Variants in ATP7B observed in about 807,000 individuals in gnomAD.
ATP7B encodes copper-transporting ATPase 2.
Under a neutral mutation model 118.9 loss-of-function variants are expected in ATP7B, and 113 were observed. That is an observed-to-expected ratio of 0.95 (90% CI 0.82 to 1.11). The LOEUF (loss-of-function observed/expected upper bound fraction) is 1.11, where lower values mean the gene tolerates loss of function less well. Ranked by LOEUF, ATP7B falls within the 50% of genes most tolerant of loss-of-function variation. The probability of loss-of-function intolerance (pLI) is 0.00; values close to 1 mark genes in which losing one functional copy is unlikely to be tolerated. For synonymous variants in ATP7B, 777 were observed against 727.4 expected (o/e 1.07, Z -1.10); for missense variants, 1,867 against 1,871.4 (o/e 1.00, Z 0.04).
rs1464252261 is a variant in ATP7B, at chr13:51,944,210, C to A, written c.3142G>T (p.Val1048Leu). 1 of 1,614,188 alleles carries A rather than the reference C, an allele frequency of 6.2e-7. No homozygotes were observed. Among genetic ancestry groups the A allele is most frequent in the Admixed American group, 1.7e-5 (1 of 60,028 alleles). ...ACCTTCCTGAGGGGCAGTGTGGCCACATCCCCCAGCAGGAGCACCCGCATG... is the reference window on the plus strand; with the variant it reads ...ACCTTCCTGAGGGGCAGTGTGGCCAAATCCCCCAGCAGGAGCACCCGCATG... ...RVMRVLLLGD[V>L]ATLPLRKVLA... Residue 1048 changes from valine to leucine, a missense_variant, in exon 14 of 21, where the codon GTG (valine) becomes TTG (leucine). Physicochemically the swap from Val to Leu is conservative, Grantham distance 32 (BLOSUM62 1). Transcript: ENST00000242839.
chr13:51,950,549 A>G (rs1339550372), intron 9 of ATP7B, 150 bp from the exon 10 acceptor site: 1 of 1,264,474 alleles, frequency 7.9e-7, no homozygotes, highest in East Asian at 2.5e-5. Context: ...TTTATCGTGC[A>G]GCTGCTGAAT....
intron 1 of ATP7B, among the ~76,000 whole-genome samples, chr13:51,993,308 C>G (rs1384152095): frequency 6.6e-6 from 1 of 152,094 alleles, no homozygotes. Flanking sequence ...TGGCTCACAT[C>G]TATAATCCCA....
intron 2 of ATP7B, among the ~76,000 whole-genome samples, chr13:51,971,363 C>T (rs1951833868): frequency 6.6e-6 from 1 of 152,092 alleles, no homozygotes; most frequent in Non-Finnish European, 1.5e-5. Context: ...AAGTAGATGT[C>T]CTATATTTTT....
At chr13:51,941,532 C>T (rs1263259009) in intron 15 of ATP7B, among the ~76,000 whole-genome samples, 1 of 152,160 alleles carries the variant, frequency 6.6e-6, no homozygotes, top group Non-Finnish European at 1.5e-5. Context: ...TCTTTTTCTG[C>T]AGGGATTAGA....
intron 7 of ATP7B, chr13:51,959,759 G>C (rs772504229): frequency 7.3e-6 from 2 of 275,442 alleles, no homozygotes; most frequent in Non-Finnish European, 1.4e-5. Flanking sequence ...GAACACTCAA[G>C]AGTGGCATGG....
At chr13:51,993,122 T>A (rs553747773) in intron 1 of ATP7B, among the ~76,000 whole-genome samples, 11 of 152,174 alleles carry the variant, frequency 7.2e-5, no homozygotes, top group Middle Eastern at 3.4e-3. Context: ...AAAATATACA[T>A]TATGTAAACA....
chr13:51,969,331 A>C (rs906971906), intron 3 of ATP7B, among the ~76,000 whole-genome samples: 1 of 152,004 alleles, frequency 6.6e-6, no homozygotes, highest in East Asian at 1.9e-4. Flanking sequence ...GGTGATGCTC[A>C]TGCTGCCTGC....
chr13:51,959,757 A>T, intron 7 of ATP7B: 2 of 276,464 alleles, frequency 7.2e-6, no homozygotes. Context: ...TAGAACACTC[A>T]AGAGTGGCAT....
chr13:51,949,293 AATG>A (rs1957848271), intron 12 of ATP7B, among the ~76,000 whole-genome samples: 2 of 152,210 alleles, frequency 1.3e-5, no homozygotes, highest in African/African-American at 4.8e-5. Context: ...TTTTTCTTAA[AATG>A]TATTAAATAA....
In ATP7B at chr13:51,974,290, A is replaced by T. The variant is rs748274665; in HGVS notation, c.930T>A (p.Ala310=). Residue 310 remains alanine, a synonymous_variant, in exon 2 of 21, where the codon GCT becomes GCA. Coordinates refer to ENST00000242839, the MANE Select transcript of ATP7B (RefSeq NM_000053.4). ...GAAGTGCCTCGATAGCCCTCTGCAG[A>T]GCCACTGGGCTGGTACAAGAAGGGT... The part of the protein sequence containing the change: ...KYDPSCTSPV[A]LQRAIEALPP... The T allele has an allele frequency of 6.2e-7, 1 of 1,613,994 alleles. No homozygotes were observed. Among genetic ancestry groups the T allele is most frequent in the Non-Finnish European group, 8.5e-7 (1 of 1,180,028 alleles).
intron 20 of ATP7B, among the ~76,000 whole-genome samples, chr13:51,935,391 C>A (rs1056421919): frequency 6.6e-6 from 1 of 152,200 alleles, no homozygotes; most frequent in Non-Finnish European, 1.5e-5. Context: ...CAGCCCAGCA[C>A]GTGAATGGGC....
At chr13:51,943,819 C>A (rs4943044) in intron 14 of ATP7B, among the ~76,000 whole-genome samples, 1 of 151,828 alleles carries the variant, frequency 6.6e-6, no homozygotes. Context: ...TCCCCAAGAC[C>A]GTGAGCTCCC....
Position 51,950,382 on chromosome 13 carries a change from A to T in ATP7B, c.2465T>A (p.Met822Lys). ...NLIIREEQVP[M>K]ELVQRGDIVK... ...GATATCGCCCCGCTGCACCAGCTCCATGGGGACTTGCTCCTCCCTGCAACA... is the reference window on the plus strand; with the variant it reads ...GATATCGCCCCGCTGCACCAGCTCCTTGGGGACTTGCTCCTCCCTGCAACA... Residue 822 changes from methionine to lysine, a missense_variant, in exon 10 of 21, where the codon ATG (methionine) becomes AAG (lysine). By Grantham distance (95) the Met-to-Lys change is moderately conservative. Coordinates refer to ENST00000242839, the MANE Select transcript of ATP7B (RefSeq NM_000053.4). The T allele has an allele frequency of 6.2e-7, 1 of 1,614,064 alleles. No homozygotes were observed. The highest frequency in any genetic ancestry group is 8.5e-7 in the Non-Finnish European group (1 of 1,180,016).
intron 1 of ATP7B, among the ~76,000 whole-genome samples, chr13:51,982,872 C>A (rs916026248): frequency 6.6e-6 from 1 of 152,220 alleles, no homozygotes; most frequent in Non-Finnish European, 1.5e-5. Flanking sequence ...AGGAATGGTG[C>A]ACTCTGGTCC....
chr13:51,984,029 G>A (rs1369753821), intron 1 of ATP7B, among the ~76,000 whole-genome samples: 2 of 151,928 alleles, frequency 1.3e-5, no homozygotes, highest in African/African-American at 2.4e-5. Context: ...CAACTCCCTC[G>A]CCAGCAAGGG....
chr13:52,006,072 G>A (rs1953755357), intron 1 of ATP7B, among the ~76,000 whole-genome samples: 1 of 152,206 alleles, frequency 6.6e-6, no homozygotes, highest in Non-Finnish European at 1.5e-5. Flanking sequence ...TAACTAGCCA[G>A]ACCCACCCCT....
chr13:52,006,173 A>C (rs1355487598), intron 1 of ATP7B, among the ~76,000 whole-genome samples: 1 of 152,196 alleles, frequency 6.6e-6, no homozygotes, highest in Non-Finnish European at 1.5e-5. Context: ...CTTGCTGTTA[A>C]TAAATTCGTG....
In ATP7B at chr13:51,958,326, C is replaced by T; in HGVS notation, c.2340G>A (p.Leu780=). 1 of 1,614,190 alleles carries T rather than the reference C, an allele frequency of 6.2e-7. No homozygotes were observed. The highest frequency in any genetic ancestry group is 8.5e-7 in the Non-Finnish European group (1 of 1,180,038). Residue 780 remains leucine, a synonymous_variant, in exon 8 of 21, where the codon CTG becomes CTA. Coordinates refer to ENST00000242839, the MANE Select transcript of ATP7B (RefSeq NM_000053.4). ...LFVFIALGRW[L]EHLAKSKTSE... is the part of the protein sequence containing the mutation. ...CTGCTGTTACCTTTGCCAAGTGTTC[C>T]AGCCACCGGCCCAGGGCAATGAACA...
chr13:51,966,917 C>T, intron 4 of ATP7B: 1 of 1,613,140 alleles, frequency 6.2e-7, no homozygotes, highest in Non-Finnish European at 8.5e-7. Context: ...ACCGAGAGCA[C>T]TTTGAAAACA....
Sources: gnomAD v4.1 joint callset for allele counts (sites outside exome capture counted in the v4.1 genomes callset) on GRCh38, gnomAD v4.1.1 for gene constraint, MANE v1.5 for transcripts, NCBI Gene and HGNC (gene_info 2026-07-23, HGNC 2026-07-21) for gene names.